MICAL2: variants seen among roughly 807,000 people sequenced by gnomAD.
MICAL2 encodes the protein microtubule associated monooxygenase, calponin and LIM domain containing 2.
A neutral mutation model predicts 127.3 loss-of-function variants in MICAL2; 77 were observed. That is an observed-to-expected ratio of 0.60 (90% confidence interval 0.50 to 0.73). The LOEUF is 0.73. MICAL2 is among the 30% of genes least tolerant of loss of function. The pLI is 0.00. For missense variants in MICAL2, 1,351 were observed against 1,434.4 expected, an observed-to-expected ratio of 0.94 and a Z score of 0.94; for synonymous variants, 570 against 551.1, an observed-to-expected ratio of 1.03 and a Z score of -0.48.
intron 2 of MICAL2, among the ~76,000 whole-genome samples, chr11:12,141,653 TG>T (rs1457846383): frequency 6.6e-6 from 1 of 151,988 alleles, no homozygotes; most frequent in Admixed American, 6.6e-5. Flanking sequence ...CAGAGGAAAA[TG>T]GGATTAAAGG....
intron 3 of MICAL2, among the ~76,000 whole-genome samples, chr11:12,164,400 A>G (rs961619578): frequency 3.3e-5 from 5 of 152,222 alleles, no homozygotes; most frequent in Admixed American, 3.3e-4. Context: ...ATGCATTGTA[A>G]GTATGAACTG....
At position 12,209,548 on chromosome 11, in the gene MICAL2, T is replaced by C; in HGVS notation, c.641T>C (p.Phe214Ser). Residue 214 changes from phenylalanine to serine, a missense_variant, in exon 6 of 28, where the codon TTT (phenylalanine) becomes TCT (serine). By Grantham distance (155) the Phe-to-Ser change is radical (BLOSUM62 -2). Coordinates refer to ENST00000683283, the MANE Select transcript of MICAL2 (RefSeq NM_001282663.2). ...FLPTDHSLSE[F>S]EFDVIIGADG... ...CCTACAGACCATTCTCTGTCGGAGT[T>C]TGAGTTTGACGTCATCATTGGTGCC... 6.2e-7 allele frequency: 1 copy of C among 1,614,198 alleles called. No individual in the cohort carries two copies. Among genetic ancestry groups the C allele is most frequent in the Non-Finnish European group, 8.5e-7 (1 of 1,180,032 alleles).
At chr11:12,139,934 C>T (rs780937061) in intron 2 of MICAL2, among the ~76,000 whole-genome samples, 2 of 152,158 alleles carry the variant, frequency 1.3e-5, no homozygotes, top group Non-Finnish European at 2.9e-5. Context: ...TCTTGGGTCC[C>T]TCCTGGCTCA....
intron 1 of MICAL2, among the ~76,000 whole-genome samples, chr11:12,121,191 C>T (rs1483430148): frequency 6.6e-6 from 1 of 152,214 alleles, no homozygotes; most frequent in Non-Finnish European, 1.5e-5. Context: ...TAGCAAACAG[C>T]GTCTGCTTCA....
chr11:12,197,036 G>A (rs1565142580), intron 3 of MICAL2, among the ~76,000 whole-genome samples: 1 of 152,186 alleles, frequency 6.6e-6, no homozygotes, highest in Non-Finnish European at 1.5e-5. Flanking sequence ...GTAGTCAGAG[G>A]TAATACCAAA....
At chr11:12,197,332 T>C (rs1271901321) in intron 3 of MICAL2, among the ~76,000 whole-genome samples, 1 of 152,256 alleles carries the variant, frequency 6.6e-6, no homozygotes, top group African/African-American at 2.4e-5. Flanking sequence ...GCTATGAACA[T>C]GCCTAATTCA....
At chr11:12,176,864 T>C (rs535233066) in intron 3 of MICAL2, among the ~76,000 whole-genome samples, 1 of 152,346 alleles carries the variant, frequency 6.6e-6, no homozygotes, top group East Asian at 1.9e-4. Flanking sequence ...CACATTTTTG[T>C]ATCTGTTCAC....
At chr11:12,269,632 T>C (rs994801331) in intron 24 of MICAL2, among the ~76,000 whole-genome samples, 3 of 152,116 alleles carry the variant, frequency 2.0e-5, no homozygotes, top group South Asian at 4.1e-4. Context: ...GGATGAGGGC[T>C]TCGTGGGAGG....
intron 15 of MICAL2, among the ~76,000 whole-genome samples, chr11:12,233,270 T>C (rs1013639321): frequency 6.6e-6 from 1 of 152,248 alleles, no homozygotes; most frequent in Non-Finnish European, 1.5e-5. Context: ...AGTAGTTGGA[T>C]GGTTTTCCTG....
chr11:12,185,621 C>A (rs1858136584), intron 3 of MICAL2, among the ~76,000 whole-genome samples: 1 of 152,072 alleles, frequency 6.6e-6, no homozygotes, highest in Non-Finnish European at 1.5e-5. Flanking sequence ...CTGGAGGAGA[C>A]CAGGTACCTA....
At chr11:12,345,311 A>G (rs541718649) in intron 32 of MICAL2, among the ~76,000 whole-genome samples, 2 of 152,316 alleles carry the variant, frequency 1.3e-5, no homozygotes, top group Non-Finnish European at 2.9e-5. Context: ...TCAGGAAACT[A>G]TTTTGACCTT....
chr11:12,281,787 C>CA (rs557032350), intron 2 of MICAL2, among the ~76,000 whole-genome samples: 1 of 152,188 alleles, frequency 6.6e-6, no homozygotes, highest in South Asian at 2.1e-4. Context: ...CACCACTGCC[C>CA]AAGCTCTGGC....
At chr11:12,203,181 C>G (rs1854246662) in intron 3 of MICAL2, among the ~76,000 whole-genome samples, 1 of 152,106 alleles carries the variant, frequency 6.6e-6, no homozygotes, top group Non-Finnish European at 1.5e-5. Context: ...ATTTAGGTTG[C>G]TTTTACTTTG....
intron 29 of MICAL2, among the ~76,000 whole-genome samples, chr11:12,310,421 A>G (rs570799337): frequency 6.6e-6 from 1 of 152,262 alleles, no homozygotes; most frequent in Non-Finnish European, 1.5e-5. Context: ...AGCACTATTT[A>G]TTTAAGAAAC....
At chr11:12,362,136 CAAA>C (rs1939214281), downstream of MICAL2, among the ~76,000 whole-genome samples, 1 of 152,166 alleles carries the variant, frequency 6.6e-6, no homozygotes, top group African/African-American at 2.4e-5. Flanking sequence ...TCTCAGGAAT[CAAA>C]ACATTTTCAT....
chr11:12,338,462 G>T (rs12283256), intron 32 of MICAL2, among the ~76,000 whole-genome samples: 11,916 of 152,012 alleles, frequency 0.078, 699 homozygotes, highest in African/African-American at 0.16. Flanking sequence ...ACGTTTAAGG[G>T]TAATATTGTT....
At chr11:12,248,824 G>A (rs1427596140) in intron 21 of MICAL2, among the ~76,000 whole-genome samples, 1 of 92,596 alleles carries the variant, frequency 1.1e-5, no homozygotes, top group East Asian at 2.3e-4. Context: ...CTTCTATCCT[G>A]GGAATAGAGC....
chr11:12,271,326 G>T (rs554147874), upstream of MICAL2, among the ~76,000 whole-genome samples: 2 of 152,194 alleles, frequency 1.3e-5, no homozygotes, highest in African/African-American at 2.4e-5. Flanking sequence ...ATGGCTTCAG[G>T]CAAACTCTTA....
At chr11:12,185,983 A>G (rs1858201028) in intron 3 of MICAL2, among the ~76,000 whole-genome samples, 1 of 152,276 alleles carries the variant, frequency 6.6e-6, no homozygotes, top group Non-Finnish European at 1.5e-5. Flanking sequence ...TCATGGAACT[A>G]GAGGGTTGGC....
Sources: gnomAD v4.1 joint callset for allele counts (sites outside exome capture counted in the v4.1 genomes callset) on GRCh38, gnomAD v4.1.1 for gene constraint, MANE v1.5 for transcripts, NCBI Gene and HGNC (gene_info 2026-07-23, HGNC 2026-07-21) for gene names.